NOX5: variants seen among roughly 807,000 people sequenced by gnomAD.
The protein encoded by NOX5 is NADPH oxidase 5.
In NOX5, 76 loss-of-function variants were observed where a neutral mutation model predicts 85.7. The observed-to-expected ratio is 0.89, with a 90% CI of 0.74 to 1.07. The LOEUF (loss-of-function observed/expected upper bound fraction) is 1.07, where lower values mean the gene tolerates loss of function less well. Among genes scored for constraint, NOX5 ranks in the 50% least tolerant of loss-of-function variants. The pLI is 0.00. For missense variants in NOX5, 973 were observed against 999.5 expected, an observed-to-expected ratio of 0.97 and a Z score of 0.36; for synonymous variants, 405 against 401.4, an observed-to-expected ratio of 1.01 and a Z score of -0.11.
intron 3 of NOX5, 103 bp downstream of exon 3, chr15:69,028,468 C>T: frequency 1.7e-5 from 20 of 1,184,366 alleles, no homozygotes; most frequent in Non-Finnish European, 2.2e-5. Context: ...ATCCCGGCCT[C>T]CTGAGCCCAG....
intron 14 of NOX5, among the ~76,000 whole-genome samples, chr15:69,052,599 G>T (rs1004221124): frequency 1.3e-5 from 2 of 152,190 alleles, no homozygotes. Context: ...TGTCATGAGT[G>T]AATTCAAATT....
chr15:69,047,727 G>A lies in NOX5; in HGVS notation c.1818-103G>A, dbSNP rs568964524. ...CATCCCTCCCCTTCCTCATAGAGTG[G>A]GCTCTGCCACCCCATCCTTGCTCCC... On this transcript the variant is annotated intron_variant, in intron 12 of 15. Transcript: ENST00000388866. 9.5e-6 allele frequency: 13 copies of A among 1,364,402 alleles called. No individual in the cohort carries two copies. The African/African-American group carries it at 1.7e-4, about 18-fold the overall frequency. The allele number at this position is 1,364,402 out of a possible 1,614,324, so 84.5% of individuals were successfully genotyped here. A position where few individuals can be genotyped will look rare whatever the true frequency, so the allele number is the denominator to read the frequency against.
intron 14 of NOX5, among the ~76,000 whole-genome samples, chr15:69,051,691 G>T (rs2050751369): frequency 6.6e-6 from 1 of 152,044 alleles, no homozygotes; most frequent in African/African-American, 2.4e-5. Flanking sequence ...ATACATTTTT[G>T]ATGTACACAA....
At position 69,047,527 on chromosome 15, in the gene NOX5, A is replaced by G. The variant is rs546652219; in HGVS notation, c.1807A>G (p.Ile603Val). 5.6e-6 allele frequency: 9 copies of G among 1,613,806 alleles called. No homozygotes were observed. The highest frequency in any genetic ancestry group is 5.5e-5 in the South Asian group (5 of 91,050). The change falls in exon 12 of 16, where the codon ATC becomes GTC. Residue 603 changes from isoleucine to valine, a missense_variant. Transcript: ENST00000388866. ...ITPFASILQS[I>V]MYRHQKRKHT... is the part of the protein sequence containing the mutation. ...CCCCTTTGCTTCCATTCTGCAGAGT[A>G]TCATGTACAGGTGGGTGAACAGTGT...
intron 1 of NOX5, chr15:69,023,712 A>ACTAGATAGATC (rs1358724531): frequency 1.2e-5 from 2 of 173,568 alleles, no homozygotes; most frequent in African/African-American, 4.8e-5. Flanking sequence ...AATGCTGTAT[A>ACTAGATAGATC]ATAATCCTAA....
chr15:69,021,044 C>T, intron 1 of NOX5, among the ~76,000 whole-genome samples: 1 of 152,094 alleles, frequency 6.6e-6, no homozygotes, highest in East Asian at 1.9e-4. Context: ...TTCTAACTAA[C>T]TAAACTAAGG....
chr15:69,036,887 A>G (rs978109234), intron 7 of NOX5, 141 bp from the exon 8 acceptor site: 13 of 692,248 alleles, frequency 1.9e-5, no homozygotes, highest in Non-Finnish European at 3.3e-5. Flanking sequence ...CCCAGCCCCA[A>G]CATCTTACCC....
intron 1 of NOX5, among the ~76,000 whole-genome samples, chr15:69,017,854 TCAAA>T (rs1169957713): frequency 2.1e-5 from 3 of 146,018 alleles, no homozygotes; most frequent in African/African-American, 7.7e-5. Flanking sequence ...TATAAAGAGG[TCAAA>T]CAGAGAAACA....
At position 69,056,686 on chromosome 15, in the gene NOX5, A is replaced by G. The variant is rs1210804757; in HGVS notation, c.2288A>G (p.Glu763Gly). Residue 763 changes from glutamate to glycine, a missense_variant, in exon 16 of 16, where the codon GAG becomes GGG. Physicochemically the swap from Glu to Gly is moderately conservative, Grantham distance 98. Transcript: ENST00000388866. ...CEKFGFRFFQ[E>G]NF The stretch of plus-strand genomic sequence containing the variant: ...AAGTTCGGCTTCAGATTTTTCCAAG[A>G]GAATTTCTAGCCTCACCTCTCCAAG... 38 of 1,613,590 alleles carry G rather than the reference A, an allele frequency of 2.4e-5. No individual in the cohort carries two copies. Among genetic ancestry groups the G allele is most frequent in the Non-Finnish European group, 3.1e-5 (37 of 1,180,032 alleles).
At chr15:69,055,063 A>C (rs2050794118) in intron 14 of NOX5, among the ~76,000 whole-genome samples, 1 of 152,206 alleles carries the variant, frequency 6.6e-6, no homozygotes, top group African/African-American at 2.4e-5. Flanking sequence ...AAAAATACTA[A>C]ATAAATAAAT....
In NOX5 at chr15:69,038,995, G is replaced by T; in HGVS notation, c.1504+6G>T. 1 of 1,614,030 alleles carries T rather than the reference G, an allele frequency of 6.2e-7. No homozygotes were observed. The highest frequency in any genetic ancestry group is 8.5e-7 in the Non-Finnish European group (1 of 1,179,984). On this transcript the variant is annotated splice_donor_region_variant and intron_variant, in intron 9 of 15. Transcript: ENST00000388866. ...CAGTGCTCCTGAGCAGAAAGGTAAT[G>T]GCCACCTCCTCCAGTCACTCTGCAC... is the stretch of plus-strand genomic sequence containing the variant.
chr15:69,037,983 T>C (rs2050543722), intron 8 of NOX5: 5 of 152,350 alleles, frequency 3.3e-5, no homozygotes, highest in Admixed American at 3.3e-4. Flanking sequence ...AGTTGCTCTG[T>C]GGAAGGTAGC....
chr15:69,031,691 G>C lies in NOX5; in HGVS notation c.499G>C (p.Asp167His), dbSNP rs768963706. The C allele has an allele frequency of 6.2e-7, 1 of 1,613,228 alleles. No individual in the cohort carries two copies. Among genetic ancestry groups the C allele is most frequent in the Admixed American group, 1.7e-5 (1 of 59,982 alleles). Residue 167 changes from aspartate (D) to histidine (H), a missense_variant, in exon 4 of 16, where the codon GAC becomes CAC. By Grantham distance (81) the Asp-to-His change is moderately conservative. Transcript: ENST00000388866. Reference sequence around the variant, plus strand: ...CATCTCGCTGCCTGACGAGAAGCTGGACCAGCTGACGCTGGCGCTCTTCGA... The same window carrying C: ...CATCTCGCTGCCTGACGAGAAGCTGCACCAGCTGACGCTGGCGCTCTTCGA... ...SAISLPDEKLDQLTLALFESA... is the reference protein window; with the variant it reads ...SAISLPDEKLHQLTLALFESA...
intron 1 of NOX5, among the ~76,000 whole-genome samples, chr15:69,015,723 C>G (rs2050223249): frequency 6.6e-6 from 1 of 152,140 alleles, no homozygotes; most frequent in South Asian, 2.1e-4. Context: ...GGTGAGTGCT[C>G]TTTTGGGCCG....
At position 69,048,988 on chromosome 15, in the gene NOX5, G is replaced by A. The variant is rs142701949; in HGVS notation, c.1929G>A (p.Gln643=). The change falls in exon 14 of 16, where the codon CAG becomes CAA. Residue 643 remains glutamine (Q), a synonymous_variant. Coordinates refer to ENST00000388866, the MANE Select transcript of NOX5 (RefSeq NM_024505.4). ...ACTTTATCTGGATCAACAGAGACCA[G>A]CGGTCTTTCGAGTGGTTTGTGAGCC... ...KVDFIWINRD[Q]RSFEWFVSLL... is the part of the protein sequence containing the mutation. 6.3e-5 allele frequency: 102 copies of A among 1,612,768 alleles called. No homozygotes were observed. The highest frequency in any genetic ancestry group is 8.5e-5 in the Non-Finnish European group (100 of 1,179,602).
At chr15:69,054,794 T>C (rs532280916) in intron 14 of NOX5, among the ~76,000 whole-genome samples, 1 of 152,344 alleles carries the variant, frequency 6.6e-6, no homozygotes, top group Admixed American at 6.5e-5. Flanking sequence ...TTAGTCCAAA[T>C]TACCTTTTCA....
At chr15:69,042,836 T>G in intron 10 of NOX5, 31 bp downstream of exon 10, 1 of 1,603,182 alleles carries the variant, frequency 6.2e-7, no homozygotes, top group Non-Finnish European at 8.5e-7. Context: ...AGGGGTCCAC[T>G]CTGCTGGCAA....
At chr15:69,017,090 G>A (rs918919443) in intron 1 of NOX5, among the ~76,000 whole-genome samples, 26 of 152,182 alleles carry the variant, frequency 1.7e-4, no homozygotes, top group African/African-American at 6.3e-4. Flanking sequence ...CCTGAATGAC[G>A]AAACCTTGGT....
At chr15:69,050,934 C>G (rs947891376) in intron 14 of NOX5, among the ~76,000 whole-genome samples, 2 of 152,196 alleles carry the variant, frequency 1.3e-5, no homozygotes, top group Non-Finnish European at 2.9e-5. Context: ...GCTGTTTAAG[C>G]TCGAGGTATC....
Sources: gnomAD v4.1 joint callset for allele counts (sites outside exome capture counted in the v4.1 genomes callset) on GRCh38, gnomAD v4.1.1 for gene constraint, MANE v1.5 for transcripts, NCBI Gene and HGNC (gene_info 2026-07-23, HGNC 2026-07-21) for gene names.